The following CRYL1 variants were observed in gnomAD, a reference collection of about 807,000 sequenced individuals.
CRYL1 encodes the protein lambda-crystallin homolog.
CRYL1 carries 29 observed loss-of-function variants against 36.6 expected under a neutral mutation model. The ratio of observed to expected loss-of-function variants is 0.79; its 90% CI spans 0.59 to 1.08. CRYL1 has a LOEUF of 1.08. Among genes scored for constraint, CRYL1 ranks in the 50% least tolerant of loss-of-function variants. The pLI is 0.00. For missense variants in CRYL1, 411 were observed against 407.9 expected, an observed-to-expected ratio of 1.01 and a Z score of -0.06; for synonymous variants, 152 against 151.5, an observed-to-expected ratio of 1.00 and a Z score of -0.02.
intron 3 of CRYL1, 66 bp from the exon 4 acceptor site, chr13:20,439,820 A>G (rs867867821): frequency 1.4e-6 from 2 of 1,460,542 alleles, no homozygotes; most frequent in African/African-American, 2.8e-5. Context: ...AAAGCATTTC[A>G]TGTTTGTTTC....
At chr13:20,428,833 C>A (rs552493126) in intron 5 of CRYL1, among the ~76,000 whole-genome samples, 3 of 152,342 alleles carry the variant, frequency 2.0e-5, no homozygotes, top group Admixed American at 2.0e-4. Context: ...CGCCTGGACA[C>A]AGGCACACAG....
At position 20,512,471 on chromosome 13, in the gene CRYL1, G is replaced by A; in HGVS notation, c.121C>T (p.Gln41Ter). The change falls in exon 2 of 8, where the codon CAG becomes TAG. Residue 41 changes from glutamine to a stop codon, truncating the protein, a stop_gained. Transcript: ENST00000298248. LOFTEE classifies it high-confidence loss of function. ...ATGTTTTCCAGGGCGTTCCTTATCT[G>A]CTGTTGCTCAATGTCATAGAGTTTC... ...QVKLYDIEQQ[Q>*]IRNALENIRK... 6.2e-7 allele frequency: 1 copy of A among 1,614,022 alleles called. No individual in the cohort carries two copies.
Position 20,426,662 on chromosome 13 carries a change from C to T in CRYL1, c.633+5440G>A, listed in dbSNP as rs116141255. 1,905 of 982,888 alleles carry T rather than the reference C, an allele frequency of 1.9e-3. 19 individuals are homozygous for T. The African/African-American group carries it at 0.03, about 15-fold the overall frequency. 60.9% of individuals were successfully genotyped at this position (982,888 alleles called of 1,614,324 possible). ...GTATGTGCATACAAATGATATTCAA[C>T]AGAAACCTTTGAATAAGTTTGCCAC... On this transcript the variant is annotated intron_variant, in intron 5 of 7. Transcript: ENST00000298248.
chr13:20,404,907 G>A (rs1238791235), intron 6 of CRYL1, among the ~76,000 whole-genome samples, 166 bp from the exon 7 acceptor site: 2 of 152,142 alleles, frequency 1.3e-5, no homozygotes, highest in Admixed American at 6.6e-5. Flanking sequence ...AGGGCCTGCT[G>A]GCACTGGAGA....
rs1241539913 is a variant in CRYL1 at position 20,508,863 on chromosome 13, AAAAAAAAAAAAAC to A, written c.149+3567_149+3579del. Among the ~76,000 whole-genome samples the A allele has an allele frequency of 2.4e-3, 133 of 55,366 alleles. 18 individuals are homozygous for A. Among genetic ancestry groups the A allele is most frequent in the African/African-American group, 9.3e-3 (128 of 13,792 alleles). 36.3% of individuals were successfully genotyped at this position (55,366 alleles called of 152,430 possible). On this transcript the variant is annotated intron_variant, in intron 2 of 7. Coordinates refer to ENST00000298248, the MANE Select transcript of CRYL1 (RefSeq NM_015974.3). ...AGCGAGACTCCAAAAAAAAAAAAAAAAAAAAAAAAAAACAAAAAAAAAAAACTGACAACAACAA... is the reference window on the plus strand; with the variant it reads ...AGCGAGACTCCAAAAAAAAAAAAAAAAAAAAAAAAAAACTGACAACAACAA...
chr13:20,446,621 C>G (rs2032462029), intron 3 of CRYL1, among the ~76,000 whole-genome samples: 1 of 152,218 alleles, frequency 6.6e-6, no homozygotes, highest in South Asian at 2.1e-4. Context: ...GTGACAAAAG[C>G]TGCTGTCAGC....
intron 1 of CRYL1, among the ~76,000 whole-genome samples, chr13:20,519,744 T>C (rs1333398961): frequency 6.6e-6 from 1 of 152,152 alleles, no homozygotes; most frequent in Admixed American, 6.6e-5. Flanking sequence ...GAACAATCTA[T>C]AGATTGAAAG....
Position 20,415,266 on chromosome 13 carries a change from G to A in CRYL1, c.634-1879C>T, listed in dbSNP as rs530793209. 6.6e-6 allele frequency among the ~76,000 whole-genome samples: 1 copy of A among 152,288 alleles called. No individual in the cohort carries two copies. Among genetic ancestry groups the A allele is most frequent in the African/African-American group, 2.4e-5 (1 of 41,564 alleles). ...AGCGGCCTGCAGGGAGGCACCCTCT[G>A]CCCTGCTGCGAGCCTGGGGCGCCTG... On this transcript the variant is annotated intron_variant, in intron 5 of 7. Coordinates refer to ENST00000298248, the MANE Select transcript of CRYL1 (RefSeq NM_015974.3). The surrounding 1 kb of genome is among the most constrained non-coding windows in gnomAD (Gnocchi z 4.1).
At chr13:20,467,039 C>G (rs2032953051) in intron 3 of CRYL1, among the ~76,000 whole-genome samples, 1 of 151,904 alleles carries the variant, frequency 6.6e-6, no homozygotes, top group African/African-American at 2.4e-5. Context: ...GCTCTGCCTC[C>G]CGCGTTCACA....
intron 5 of CRYL1, among the ~76,000 whole-genome samples, chr13:20,417,712 G>C (rs754345990): frequency 6.6e-6 from 1 of 152,268 alleles, no homozygotes; most frequent in Middle Eastern, 3.4e-3. Context: ...TTCCACAGTG[G>C]AGTAACACAT....
chr13:20,406,221 T>G (rs969690845), intron 6 of CRYL1: 1 of 152,094 alleles, frequency 6.6e-6, no homozygotes, highest in African/African-American at 2.4e-5. Flanking sequence ...CGTGGATGAT[T>G]AAGTTAAAAT....
chr13:20,432,048 GGAA>G, intron 5 of CRYL1, 51 bp downstream of exon 5: 1 of 1,613,104 alleles, frequency 6.2e-7, no homozygotes, highest in South Asian at 1.1e-5. Context: ...TGAGAGGGAG[GGAA>G]GAAGGAGGGA....
At chr13:20,518,242 C>T (rs1035361835) in intron 1 of CRYL1, among the ~76,000 whole-genome samples, 8 of 152,090 alleles carry the variant, frequency 5.3e-5, no homozygotes, top group Non-Finnish European at 1.0e-4. Context: ...AGGCAGACAA[C>T]AAACTAAATA....
intron 5 of CRYL1, among the ~76,000 whole-genome samples, chr13:20,427,460 G>C (rs1365479635): frequency 6.6e-6 from 1 of 152,088 alleles, no homozygotes; most frequent in East Asian, 1.9e-4. Context: ...GTGATGACAG[G>C]GGAGCGTCTC....
At chr13:20,507,822 G>C (rs1010825460) in intron 2 of CRYL1, among the ~76,000 whole-genome samples, 2 of 151,864 alleles carry the variant, frequency 1.3e-5, no homozygotes, top group African/African-American at 4.8e-5. Context: ...GGAGGCTGAG[G>C]CAGGAGAATG....
At chr13:20,456,770 A>G (rs920879703) in intron 3 of CRYL1, among the ~76,000 whole-genome samples, 2 of 151,898 alleles carry the variant, frequency 1.3e-5, no homozygotes, top group Non-Finnish European at 2.9e-5. Context: ...CCCACTCTTC[A>G]TGGCCTTTCT....
chr13:20,472,250 A>G (rs568640759), intron 3 of CRYL1, among the ~76,000 whole-genome samples: 33 of 152,166 alleles, frequency 2.2e-4, no homozygotes, highest in African/African-American at 7.7e-4. Flanking sequence ...TAGATGACCT[A>G]TAATACCTTA....
chr13:20,503,317 C>T (rs2033736794), intron 2 of CRYL1, among the ~76,000 whole-genome samples: 1 of 152,148 alleles, frequency 6.6e-6, no homozygotes, highest in African/African-American at 2.4e-5. Context: ...CAGACACGGG[C>T]TTTAATAATT....
chr13:20,498,583 A>T (rs1289918942), intron 2 of CRYL1, among the ~76,000 whole-genome samples: 1 of 152,244 alleles, frequency 6.6e-6, no homozygotes, highest in Admixed American at 6.5e-5. Context: ...AACTGATTAG[A>T]TTTATTTATA....
Sources: gnomAD v4.1 joint callset for allele counts (sites outside exome capture counted in the v4.1 genomes callset) on GRCh38, gnomAD v4.1.1 for gene constraint, Gnocchi (gnomAD v3.1) non-coding constraint, MANE v1.5 for transcripts, NCBI Gene and HGNC (gene_info 2026-07-23, HGNC 2026-07-21) for gene names.